UGT1A10: variants seen among roughly 807,000 people sequenced by gnomAD.
The protein encoded by UGT1A10 is UDP-glucuronosyltransferase 1A10.
In UGT1A10, 49 loss-of-function variants were observed where a neutral mutation model predicts 45.8. The ratio of observed to expected loss-of-function variants is 1.07; its 90% confidence interval spans 0.85 to 1.36. UGT1A10 has a LOEUF of 1.36. Among genes scored for constraint, UGT1A10 ranks in the 40% most tolerant of loss-of-function variants. The pLI is 0.00. For synonymous variants in UGT1A10, 284 were observed against 249.7 expected, an observed-to-expected ratio of 1.14 and a Z score of -1.29; for missense variants, 745 against 668.6, an observed-to-expected ratio of 1.11 and a Z score of -1.26.
intron 1 of UGT1A10, among the ~76,000 whole-genome samples, chr2:233,657,078 C>G (rs2073871538): frequency 6.6e-6 from 1 of 152,084 alleles, no homozygotes; most frequent in Non-Finnish European, 1.5e-5. Flanking sequence ...TTTGGTCTAC[C>G]CTAAGAATGT....
chr2:233,713,014 C>T lies in UGT1A10; in HGVS notation c.856-54020C>T, dbSNP rs771842103. Reference sequence around the variant, plus strand: ...GAGATGGCCACAGGACTCCAGGTTCCCCTGCCGCAGCTGGCCACAGGACTG... The same window carrying T: ...GAGATGGCCACAGGACTCCAGGTTCTCCTGCCGCAGCTGGCCACAGGACTG... On this transcript the variant is annotated intron_variant, in intron 1 of 4. Coordinates refer to ENST00000344644, the MANE Select transcript of UGT1A10 (RefSeq NM_019075.4). 9 of 1,613,568 alleles carry T rather than the reference C, an allele frequency of 5.6e-6. No individual in the cohort carries two copies. In the African/African-American group the frequency reaches 8.0e-5, roughly 14 times the overall value.
chr2:233,682,220 G>A lies in UGT1A10; in HGVS notation c.855+44843G>A, dbSNP rs761343712. The stretch of plus-strand genomic sequence containing the variant: ...GGACCGGGAGTTCATGGTTTTTGCC[G>A]ATGCTCGCTGGACGGCACCATTGCG... On this transcript the variant is annotated intron_variant, in intron 1 of 4. Transcript: ENST00000344644. The A allele has an allele frequency of 2.6e-5, 42 of 1,614,084 alleles. No homozygotes were observed. The South Asian group carries it at 3.3e-4, about 13-fold the overall frequency.
At chr2:233,721,319 C>T (rs1043522637) in intron 1 of UGT1A10, among the ~76,000 whole-genome samples, 9 of 152,144 alleles carry the variant, frequency 5.9e-5, no homozygotes, top group African/African-American at 2.2e-4. Flanking sequence ...TGGCTCTTTT[C>T]TTGTGGTTTT....
rs571994847 is a variant in UGT1A10, at chr2:233,706,057, T to G, written c.856-60977T>G. 5.9e-5 allele frequency among the ~76,000 whole-genome samples: 9 copies of G among 152,276 alleles called. No individual in the cohort carries two copies. The South Asian group carries it at 1.9e-3, about 32-fold the overall frequency. On this transcript the variant is annotated intron_variant, in intron 1 of 4. Transcript: ENST00000344644. ...TTGCAGTGAGCCGAGATCACGCCAC[T>G]GCATGCCAGCCTGGGTGACAGAGCT... is the stretch of plus-strand genomic sequence containing the variant.
intron 1 of UGT1A10, among the ~76,000 whole-genome samples, chr2:233,748,506 T>C (rs868820669): frequency 6.6e-5 from 10 of 151,912 alleles, no homozygotes; most frequent in African/African-American, 2.4e-4. Context: ...TTTTTAGTGG[T>C]CCTGTCTTGC....
At chr2:233,757,978 G>A (rs979360381) in intron 1 of UGT1A10, among the ~76,000 whole-genome samples, 2 of 152,062 alleles carry the variant, frequency 1.3e-5, no homozygotes, top group Non-Finnish European at 2.9e-5. Context: ...AGCCCCTAGA[G>A]CACCATCCCC....
intron 1 of UGT1A10, among the ~76,000 whole-genome samples, chr2:233,651,436 T>G (rs1172213162): frequency 6.6e-6 from 1 of 152,188 alleles, no homozygotes; most frequent in East Asian, 1.9e-4. Context: ...AAAATACATG[T>G]TTTTTTGTAT....
At chr2:233,762,404 G>A (rs1193458401) in intron 1 of UGT1A10, among the ~76,000 whole-genome samples, 1 of 152,070 alleles carries the variant, frequency 6.6e-6, no homozygotes, top group Non-Finnish European at 1.5e-5. Flanking sequence ...AAATTTTTTG[G>A]TTGCTTTTTC....
Position 233,747,650 on chromosome 2 carries a change from C to T in UGT1A10, c.856-19384C>T, listed in dbSNP as rs980868950. 70 of 1,587,860 alleles carry T rather than the reference C, an allele frequency of 4.4e-5. 1 individual carries two copies. The highest frequency in any genetic ancestry group is 2.1e-4 in the South Asian group (19 of 90,526). On this transcript the variant is annotated intron_variant, in intron 1 of 4. Transcript: ENST00000344644. Reference sequence around the variant, plus strand: ...TCAGGCACCTGAATGCTACTTCCTTCGATGTGGTTTTAATAGACCCAATTT... The same window carrying T: ...TCAGGCACCTGAATGCTACTTCCTTTGATGTGGTTTTAATAGACCCAATTT...
intron 1 of UGT1A10, chr2:233,717,976 A>G (rs2076619193): frequency 1.8e-5 from 8 of 446,196 alleles, no homozygotes; most frequent in Middle Eastern, 7.0e-4. Context: ...GGCATTCAGA[A>G]GAGGAATTCA....
chr2:233,643,708 A>G (rs970538025), intron 1 of UGT1A10, among the ~76,000 whole-genome samples: 4 of 152,172 alleles, frequency 2.6e-5, no homozygotes, highest in African/African-American at 9.7e-5. Context: ...CCCTTGACGT[A>G]GTACGAGGTT....
At chr2:233,726,820 G>A (rs956550712) in intron 1 of UGT1A10, among the ~76,000 whole-genome samples, 1 of 151,954 alleles carries the variant, frequency 6.6e-6, no homozygotes, top group African/African-American at 2.4e-5. Flanking sequence ...TCCTCTATTC[G>A]ACCATTTAAA....
chr2:233,731,689 G>A (rs1162226344), intron 1 of UGT1A10, among the ~76,000 whole-genome samples: 1 of 152,164 alleles, frequency 6.6e-6, no homozygotes, highest in Non-Finnish European at 1.5e-5. Flanking sequence ...TATCATTGAT[G>A]GACATTTGGA....
At chr2:233,738,975 T>A (rs1575626869) in intron 1 of UGT1A10, 1 of 152,266 alleles carries the variant, frequency 6.6e-6, no homozygotes, top group South Asian at 2.1e-4. Flanking sequence ...CACTGCTGTG[T>A]GCAGCCTCAG....
At chr2:233,667,160 T>C (rs886637449) in intron 1 of UGT1A10, among the ~76,000 whole-genome samples, 1 of 152,212 alleles carries the variant, frequency 6.6e-6, no homozygotes, top group Non-Finnish European at 1.5e-5. Context: ...TTTGGGTATA[T>C]ACCCAGTAAT....
intron 1 of UGT1A10, chr2:233,682,417 T>G (rs1442367024): frequency 1.2e-6 from 2 of 1,613,910 alleles, no homozygotes; most frequent in African/African-American, 2.7e-5. Flanking sequence ...TTGCCAAATA[T>G]TTCTCCCTCC....
chr2:233,676,702 C>G (rs748281452), intron 1 of UGT1A10, among the ~76,000 whole-genome samples: 1 of 152,142 alleles, frequency 6.6e-6, no homozygotes, highest in African/African-American at 2.4e-5. Flanking sequence ...GAATGTTCCT[C>G]TAGAATGTCA....
At chr2:233,651,858 G>A (rs1337324629) in intron 1 of UGT1A10, among the ~76,000 whole-genome samples, 1 of 152,120 alleles carries the variant, frequency 6.6e-6, no homozygotes, top group Admixed American at 6.5e-5. Context: ...TCCTACATAG[G>A]GGTTTTTCCT....
intron 1 of UGT1A10, among the ~76,000 whole-genome samples, chr2:233,689,457 T>C (rs2074944426): frequency 6.6e-6 from 1 of 152,220 alleles, no homozygotes; most frequent in Admixed American, 6.5e-5. Flanking sequence ...GGATACATTT[T>C]AGGAAAACAG....
Sources: gnomAD v4.1 joint callset for allele counts (sites outside exome capture counted in the v4.1 genomes callset) on GRCh38, gnomAD v4.1.1 for gene constraint, MANE v1.5 for transcripts, NCBI Gene and HGNC (gene_info 2026-07-23, HGNC 2026-07-21) for gene names.